Variants in MYH14 observed in about 807,000 individuals in gnomAD.
The protein encoded by MYH14 is myosin-14.
In MYH14, 123 loss-of-function variants were observed where a neutral mutation model predicts 255.5. The ratio of observed to expected loss-of-function variants is 0.48; its 90% CI spans 0.42 to 0.56. The LOEUF (loss-of-function observed/expected upper bound fraction) is 0.56, where lower values mean the gene tolerates loss of function less well. Among genes scored for constraint, MYH14 ranks in the 20% least tolerant of loss-of-function variants. The pLI, the probability that MYH14 is intolerant of heterozygous loss-of-function variation, is 0.00. For missense variants in MYH14, 2,423 were observed against 2,802.3 expected (o/e 0.86, Z 3.06); for synonymous variants, 1,095 against 1,161.2 (o/e 0.94, Z 1.16).
intron 39 of MYH14, among the ~76,000 whole-genome samples, chr19:50,300,852 G>A (rs1206676644): frequency 6.6e-6 from 1 of 152,060 alleles, no homozygotes; most frequent in African/African-American, 2.4e-5. Flanking sequence ...AAGCTTGGGA[G>A]TTTGAGGCTG....
At chr19:50,271,639 G>A in intron 25 of MYH14, 93 bp downstream of exon 25, 1 of 1,518,152 alleles carries the variant, frequency 6.6e-7, no homozygotes, top group East Asian at 2.4e-5. Flanking sequence ...TTACCACACT[G>A]CGGTTCTCAG....
intron 8 of MYH14, among the ~76,000 whole-genome samples, chr19:50,227,905 T>C (rs984370499): frequency 6.6e-6 from 1 of 151,720 alleles, no homozygotes; most frequent in Non-Finnish European, 1.5e-5. Context: ...CCAAGAGGGG[T>C]TTGGAGGATT....
At chr19:50,260,616 C>T (rs1248719524) in intron 19 of MYH14, 30 bp from the exon 20 acceptor site, 11 of 1,572,056 alleles carry the variant, frequency 7.0e-6, no homozygotes, top group Non-Finnish European at 9.6e-6. Context: ...CTGTAACTCT[C>T]TCCTCCCCAC....
chr19:50,271,041 A>G (rs1364096695), intron 24 of MYH14, among the ~76,000 whole-genome samples: 1 of 151,830 alleles, frequency 6.6e-6, no homozygotes, highest in Non-Finnish European at 1.5e-5. Flanking sequence ...ACCCCCACAC[A>G]AGAATGTGAT....
chr19:50,276,351 C>T lies in MYH14; in HGVS notation c.3680+148C>T. 1 of 713,484 alleles carries T rather than the reference C, an allele frequency of 1.4e-6. No individual in the cohort carries two copies. Among genetic ancestry groups the T allele is most frequent in the South Asian group, 2.0e-5 (1 of 49,020 alleles). The allele number at this position is 713,484 out of a possible 1,614,324, so 44.2% of individuals were successfully genotyped here. ...GGCTCTAGGTCCGGCCTGGGTCAAG[C>T]TGGGGACAGAGATGGGTCAGACCCA... On this transcript the variant is annotated intron_variant, in intron 28 of 42. Coordinates refer to ENST00000642316, the MANE Select transcript of MYH14 (RefSeq NM_001145809.2). This position sits in a 1 kb window ranked among gnomAD's most constrained non-coding sequence, Gnocchi z 4.3.
chr19:50,244,006 G>C (rs187293930), intron 10 of MYH14, among the ~76,000 whole-genome samples: 126 of 148,132 alleles, frequency 8.5e-4, no homozygotes, highest in African/African-American at 3.1e-3. Flanking sequence ...ATGGAGTCTT[G>C]CTGTGTTGCT....
rs565440166 is a variant in MYH14, at chr19:50,266,869, C to T, written c.2695-8C>T. On this transcript the variant is annotated splice_region_variant and splice_polypyrimidine_tract_variant and intron_variant, in intron 22 of 42. Transcript: ENST00000642316. The surrounding 1 kb of genome is among the most constrained non-coding windows in gnomAD (Gnocchi z 4.1). ...GTCAGCCATTCCACCCCTTTCACCTCCACCTAGGTGAAGCCACTGCTGCAG... is the reference window on the plus strand; with the variant it reads ...GTCAGCCATTCCACCCCTTTCACCTTCACCTAGGTGAAGCCACTGCTGCAG... 6.4e-7 allele frequency: 1 copy of T among 1,551,708 alleles called. No individual in the cohort carries two copies. The highest frequency in any genetic ancestry group is 2.4e-5 in the East Asian group (1 of 40,924).
At chr19:50,275,179 G>A (rs1481617313) in intron 27 of MYH14, among the ~76,000 whole-genome samples, 3 of 152,130 alleles carry the variant, frequency 2.0e-5, no homozygotes, top group Admixed American at 2.0e-4. Flanking sequence ...TTGGAGCAGG[G>A]GGCCAGGAGA....
At chr19:50,216,477 A>G (rs533667890) in intron 2 of MYH14, among the ~76,000 whole-genome samples, 1 of 152,042 alleles carries the variant, frequency 6.6e-6, no homozygotes, top group African/African-American at 2.4e-5. Flanking sequence ...ATTGACACAC[A>G]CTTGTGATCC....
intron 33 of MYH14, chr19:50,285,817 G>T (rs1321517413): frequency 6.6e-6 from 1 of 151,994 alleles, no homozygotes; most frequent in Non-Finnish European, 1.5e-5. Flanking sequence ...GCTCTGTTTG[G>T]ATAATTTATA....
intron 20 of MYH14, 122 bp downstream of exon 20, chr19:50,260,837 ACGTGTGTGCGTGTG>A: frequency 1.4e-6 from 1 of 690,776 alleles, no homozygotes; most frequent in Non-Finnish European, 2.5e-6. Context: ...GTGTGCATGC[ACGTGTGTGCGTGTG>A]TGTGTGCATG....
At chr19:50,238,596 C>T (rs922576295) in intron 10 of MYH14, among the ~76,000 whole-genome samples, 4 of 152,020 alleles carry the variant, frequency 2.6e-5, no homozygotes, top group Non-Finnish European at 5.9e-5. Context: ...AGATTATAGG[C>T]GCTCGCCACC....
At chr19:50,262,083 C>T (rs1273975541) in intron 21 of MYH14, among the ~76,000 whole-genome samples, 3 of 151,974 alleles carry the variant, frequency 2.0e-5, no homozygotes, top group Non-Finnish European at 1.5e-5. Flanking sequence ...AGAGGTGCAG[C>T]AAGGAGGCCC....
chr19:50,251,595 T>C (rs2034402013), intron 15 of MYH14, among the ~76,000 whole-genome samples: 1 of 149,878 alleles, frequency 6.7e-6, no homozygotes, highest in Non-Finnish European at 1.5e-5. Flanking sequence ...TTTTTTTATT[T>C]GAGACAGAGT....
intron 10 of MYH14, among the ~76,000 whole-genome samples, chr19:50,233,204 CTG>C (rs1229986505): frequency 6.6e-6 from 1 of 151,948 alleles, no homozygotes; most frequent in African/African-American, 2.4e-5. Context: ...GAGTCTCACT[CTG>C]TTACCCAGGC....
At chr19:50,308,815 A>G in intron 41 of MYH14, 190 bp from the exon 42 acceptor site, 1 of 611,282 alleles carries the variant, frequency 1.6e-6, no homozygotes, top group Non-Finnish European at 2.9e-6. Flanking sequence ...CCTGGAGGGG[A>G]GAGACTGGAG....
intron 39 of MYH14, among the ~76,000 whole-genome samples, chr19:50,294,666 C>A (rs896207278): frequency 6.6e-6 from 1 of 151,108 alleles, no homozygotes; most frequent in African/African-American, 2.4e-5. Flanking sequence ...GAGATTGAGG[C>A]TGCAGTGAGC....
chr19:50,241,150 G>A (rs1207854524), intron 10 of MYH14, among the ~76,000 whole-genome samples: 6 of 152,024 alleles, frequency 3.9e-5, no homozygotes, highest in African/African-American at 1.4e-4. Context: ...GAAAGCATCA[G>A]ATGCAGCCAG....
intron 1 of MYH14, among the ~76,000 whole-genome samples, chr19:50,207,722 C>T (rs911825542): frequency 4.6e-5 from 7 of 152,210 alleles, no homozygotes; most frequent in African/African-American, 9.7e-5. Flanking sequence ...ATGAGATAGG[C>T]GTGACCAGAG....
Sources: allele counts gnomAD v4.1 joint callset (sites outside exome capture counted in the v4.1 genomes callset), GRCh38; gene constraint gnomAD v4.1.1; non-coding constraint Gnocchi (gnomAD v3.1); transcripts MANE v1.5; gene names NCBI Gene and HGNC (gene_info 2026-07-23, HGNC 2026-07-21).